Variants in DUSP4 observed in about 807,000 individuals in gnomAD.
DUSP4 encodes dual specificity protein phosphatase 4.
Under a neutral mutation model 27.2 loss-of-function variants are expected in DUSP4, and 12 were observed. That is an observed-to-expected ratio of 0.44 (90% CI 0.28 to 0.71). The LOEUF (loss-of-function observed/expected upper bound fraction) is 0.71. Ranked by LOEUF, DUSP4 falls within the 30% of genes least tolerant of loss-of-function variation. The pLI, the probability that DUSP4 is intolerant of heterozygous loss-of-function variation, is 0.14. For synonymous variants in DUSP4, 257 were observed against 245.2 expected (o/e 1.05, Z -0.45); for missense variants, 448 against 551.3 (o/e 0.81, Z 1.88).
At chr8:29,345,616 A>G in intron 1 of DUSP4, 3 of 1,486,502 alleles carry the variant, frequency 2.0e-6, no homozygotes, top group Admixed American at 5.4e-5. Context: ...TTTTCAAGGA[A>G]TTTCTTGGCT....
intron 1 of DUSP4, among the ~76,000 whole-genome samples, chr8:29,346,517 G>A (rs1817736773): frequency 6.6e-6 from 1 of 152,216 alleles, no homozygotes; most frequent in African/African-American, 2.4e-5. Context: ...ATTTACGAAT[G>A]AGAGAGAAAG....
chr8:29,338,405 A>G lies in DUSP4; in HGVS notation c.676T>C (p.Leu226=), dbSNP rs1185312313. The change falls in exon 3 of 4, where the codon TTG becomes CTG. Residue 226 remains leucine, a synonymous_variant. Coordinates refer to ENST00000240100, the MANE Select transcript of DUSP4 (RefSeq NM_001394.7). Reference sequence around the variant, plus strand: ...TTTGGGCAGTCCGAGGAGACATTCAACAGAGCCGTGATGCCCAGGGCGTCC... The same window carrying G: ...TTTGGGCAGTCCGAGGAGACATTCAGCAGAGCCGTGATGCCCAGGGCGTCC... ...MLDALGITAL[L]NVSSDCPNHF... is the part of the protein sequence containing the mutation. 6.2e-7 allele frequency: 1 copy of G among 1,614,158 alleles called. No homozygotes were observed. Among genetic ancestry groups the G allele is most frequent in the Admixed American group, 1.7e-5 (1 of 60,026 alleles).
chr8:29,338,649 C>T, intron 2 of DUSP4, 148 bp from the exon 3 acceptor site: 1 of 852,134 alleles, frequency 1.2e-6, no homozygotes, highest in Non-Finnish European at 1.8e-6. Context: ...CCCCCTGTAG[C>T]CTCCTGGAAC....
intron 3 of DUSP4, 147 bp downstream of exon 3, chr8:29,338,135 G>A: frequency 1.2e-6 from 1 of 809,640 alleles, no homozygotes; most frequent in Non-Finnish European, 2.0e-6. Context: ...AACATCCAAT[G>A]TATAAGCCTT....
At chr8:29,342,370 C>T (rs1817667523) in intron 1 of DUSP4, among the ~76,000 whole-genome samples, 1 of 152,126 alleles carries the variant, frequency 6.6e-6, no homozygotes, top group Non-Finnish European at 1.5e-5. Flanking sequence ...GCACAAAGGC[C>T]TATGAGGACT....
At position 29,349,946 on chromosome 8, in the gene DUSP4, G is replaced by T. The variant is rs1383553764; in HGVS notation, c.333C>A (p.Arg111=). 6.3e-7 allele frequency: 1 copy of T among 1,594,426 alleles called. No individual in the cohort carries two copies. The highest frequency in any genetic ancestry group is 8.5e-7 in the Non-Finnish European group (1 of 1,174,526). The change falls in exon 1 of 4, where the codon CGC becomes CGA. Residue 111 remains arginine, a synonymous_variant. Transcript: ENST00000240100. ...CGCGGAGGCTCTCGGCGCGCGGGCT[G>T]CGCTCGTCGTAGACGATGACCGCCG... ...LYSAVIVYDE[R]SPRAESLRED...
In DUSP4 at chr8:29,335,099, A is replaced by G. The variant is rs1478615918; in HGVS notation, c.*1927T>C. On this transcript the variant is annotated 3_prime_UTR_variant, in exon 4 of 4. Transcript: ENST00000240100. The stretch of plus-strand genomic sequence containing the variant: ...GACTCTCAAAGGGCTAAAAAAAACC[A>G]TGCTCTCACTTCTAGACAAGTTTGC... 6.6e-6 allele frequency: 1 copy of G among 152,196 alleles called. No individual in the cohort carries two copies. The allele number at this position is 152,196 out of a possible 1,614,324, so 9.4% of individuals were successfully genotyped here.
At position 29,335,478 on chromosome 8, in the gene DUSP4, C is replaced by G. The variant is rs1012569952; in HGVS notation, c.*1548G>C. The G allele has an allele frequency of 6.6e-6, 1 of 152,248 alleles. No homozygotes were observed. 9.4% of individuals were successfully genotyped at this position (152,248 alleles called of 1,614,324 possible). On this transcript the variant is annotated 3_prime_UTR_variant, in exon 4 of 4. Transcript: ENST00000240100. ...GCAATCCACCATCAGCTCACTGATG[C>G]TCTCTTGCCCTTCCACACTTCGAGA...
rs1381407377 is a variant in DUSP4, at chr8:29,335,797, G to C, written c.*1229C>G. On this transcript the variant is annotated 3_prime_UTR_variant, in exon 4 of 4. Coordinates refer to ENST00000240100, the MANE Select transcript of DUSP4 (RefSeq NM_001394.7). ...CACCCAATTTTCCAGGAGCACCTTA[G>C]TGTAATATGGCATATTGATCACAGA... 6.6e-6 allele frequency: 1 copy of C among 152,212 alleles called. No homozygotes were observed. The highest frequency in any genetic ancestry group is 2.4e-5 in the African/African-American group (1 of 41,446). 9.4% of individuals were successfully genotyped at this position (152,212 alleles called of 1,614,324 possible).
chr8:29,345,491 A>G, intron 1 of DUSP4: 2 of 1,596,698 alleles, frequency 1.3e-6, no homozygotes, highest in Non-Finnish European at 1.7e-6. Context: ...TGCTATGTTC[A>G]GCAAACTGGC....
At position 29,338,325 on chromosome 8, in the gene DUSP4, C is replaced by T. The variant is rs1326799568; in HGVS notation, c.756G>A (p.Lys252=). 2.5e-6 allele frequency: 4 copies of T among 1,614,086 alleles called. No individual in the cohort carries two copies. The highest frequency in any genetic ancestry group is 2.2e-5 in the East Asian group (1 of 44,900). Residue 252 remains lysine (K), a synonymous_variant, in exon 3 of 4, where the codon AAG becomes AAA. Transcript: ENST00000240100. The part of the protein sequence containing the change: ...YKCIPVEDNH[K]ADISSWFMEA... ...CCATGAACCAGGAGCTGATGTCGGCCTTGTGGTTATCTTCCACTGGGATGC... is the reference window on the plus strand; with the variant it reads ...CCATGAACCAGGAGCTGATGTCGGCTTTGTGGTTATCTTCCACTGGGATGC...
In DUSP4 at chr8:29,336,869, T is replaced by C; in HGVS notation, c.*157A>G. On this transcript the variant is annotated 3_prime_UTR_variant, in exon 4 of 4. Coordinates refer to ENST00000240100, the MANE Select transcript of DUSP4 (RefSeq NM_001394.7). Reference sequence around the variant, plus strand: ...TTTATTATGTATTCGGAGTCCTTATTGCCATTCTGGCTGGCCTCGTCGTTG... The same window carrying C: ...TTTATTATGTATTCGGAGTCCTTATCGCCATTCTGGCTGGCCTCGTCGTTG... 9.3e-7 allele frequency: 1 copy of C among 1,080,038 alleles called. No individual in the cohort carries two copies. Among genetic ancestry groups the C allele is most frequent in the Non-Finnish European group, 1.3e-6 (1 of 779,258 alleles). The allele number at this position is 1,080,038 out of a possible 1,614,324, so 66.9% of individuals were successfully genotyped here. A position where few individuals can be genotyped will look rare whatever the true frequency, so the allele number is the denominator to read the frequency against.
chr8:29,348,409 G>C (rs1464476784), intron 1 of DUSP4: 1 of 985,664 alleles, frequency 1.0e-6, no homozygotes. Flanking sequence ...CTTTCTCTTG[G>C]AGCGCTTTGG....
At position 29,333,471 on chromosome 8, in the gene DUSP4, G is replaced by T. The variant is rs1181646860; in HGVS notation, c.*3555C>A. The stretch of plus-strand genomic sequence containing the variant: ...AGATCAGCTGGCTTTCAAAAAGCCT[G>T]GAAGGGTGCTCCACTCAGGAACTCC... On this transcript the variant is annotated 3_prime_UTR_variant, in exon 4 of 4. Coordinates refer to ENST00000240100, the MANE Select transcript of DUSP4 (RefSeq NM_001394.7). 1.3e-5 allele frequency: 2 copies of T among 152,234 alleles called. No individual in the cohort carries two copies. The highest frequency in any genetic ancestry group is 4.8e-5 in the African/African-American group (2 of 41,458). 9.4% of individuals were successfully genotyped at this position (152,234 alleles called of 1,614,324 possible). A position where few individuals can be genotyped will look rare whatever the true frequency, so the allele number is the denominator to read the frequency against.
rs975581108 is a variant in DUSP4, at chr8:29,335,909, G to A, written c.*1117C>T. On this transcript the variant is annotated 3_prime_UTR_variant, in exon 4 of 4. Transcript: ENST00000240100. ...AGGGAAAAAAGCTTGACTTACTGTG[G>A]TCTAAAATTGCTTCGGTGGCCTACA... 1 of 152,160 alleles carries A rather than the reference G, an allele frequency of 6.6e-6. No individual in the cohort carries two copies. The highest frequency in any genetic ancestry group is 1.5e-5 in the Non-Finnish European group (1 of 68,042). The allele number at this position is 152,160 out of a possible 1,614,324, so 9.4% of individuals were successfully genotyped here.
intron 1 of DUSP4, among the ~76,000 whole-genome samples, chr8:29,349,068 G>A (rs897053727): frequency 6.6e-6 from 1 of 152,236 alleles, no homozygotes; most frequent in Non-Finnish European, 1.5e-5. Context: ...GTTTCGCCAG[G>A]GCTCGCTAAA....
At chr8:29,340,307 TC>T (rs1817639671) in intron 1 of DUSP4, 64 bp from the exon 2 acceptor site, 1 of 1,532,462 alleles carries the variant, frequency 6.5e-7, no homozygotes, top group Non-Finnish European at 8.8e-7. Context: ...CAGAAAGAAC[TC>T]GACTCCTACA....
chr8:29,349,491 C>T (rs1817789359), intron 1 of DUSP4, among the ~76,000 whole-genome samples: 1 of 152,214 alleles, frequency 6.6e-6, no homozygotes, highest in Admixed American at 6.5e-5. Flanking sequence ...CCTATCTTGT[C>T]CCCACGCGCC....
At chr8:29,347,633 G>C (rs1438890911) in intron 1 of DUSP4, among the ~76,000 whole-genome samples, 1 of 152,230 alleles carries the variant, frequency 6.6e-6, no homozygotes, top group East Asian at 1.9e-4. Flanking sequence ...ACCTCCATCT[G>C]CAAGGATGTC....
Sources: gnomAD v4.1 joint callset for allele counts (sites outside exome capture counted in the v4.1 genomes callset) on GRCh38, gnomAD v4.1.1 for gene constraint, MANE v1.5 for transcripts, NCBI Gene and HGNC (gene_info 2026-07-23, HGNC 2026-07-21) for gene names.